DLG2: variants seen among roughly 807,000 people sequenced by gnomAD.
The protein encoded by DLG2 is discs large MAGUK scaffold protein 2.
A neutral mutation model predicts 132.5 loss-of-function variants in DLG2; 45 were observed. That is an observed-to-expected ratio of 0.34 (90% CI 0.27 to 0.44). DLG2 has a LOEUF of 0.44. Ranked by LOEUF, DLG2 falls within the 20% of genes least tolerant of loss-of-function variation. The pLI, the probability that DLG2 is intolerant of heterozygous loss-of-function variation, is 1.00. For synonymous variants in DLG2, 424 were observed against 419.6 expected (o/e 1.01, Z -0.13); for missense variants, 1,045 against 1,196.9 (o/e 0.87, Z 1.87).
intron 8 of DLG2, among the ~76,000 whole-genome samples, chr11:84,172,553 ATTTATTTG>A (rs56962051): frequency 0.58 from 86,866 of 148,588 alleles, 26,806 homozygotes; most frequent in Middle Eastern, 0.72. Flanking sequence ...TTATTTATTT[ATTTATTTG>A]AGGTGGAGTC....
At chr11:84,817,170 G>T (rs980673330) in intron 6 of DLG2, among the ~76,000 whole-genome samples, 3 of 152,032 alleles carry the variant, frequency 2.0e-5, no homozygotes, top group Non-Finnish European at 4.4e-5. Flanking sequence ...CACTCTCTCT[G>T]ATTGGTGCCT....
At chr11:84,932,052 C>T (rs1252912472) in intron 6 of DLG2, among the ~76,000 whole-genome samples, 1 of 152,100 alleles carries the variant, frequency 6.6e-6, no homozygotes, top group East Asian at 1.9e-4. Flanking sequence ...CAAAATTTTT[C>T]TCCCATTCTG....
intron 11 of DLG2, among the ~76,000 whole-genome samples, chr11:84,004,723 A>G (rs1407456535): frequency 6.6e-6 from 1 of 151,960 alleles, no homozygotes; most frequent in Non-Finnish European, 1.5e-5. Flanking sequence ...TTTAACCAAG[A>G]AAGGGAAAGA....
intron 4 of DLG2, among the ~76,000 whole-genome samples, chr11:85,164,605 T>C (rs1163464836): frequency 3.3e-5 from 5 of 152,164 alleles, no homozygotes; most frequent in Non-Finnish European, 4.4e-5. Flanking sequence ...TTTAATCTAT[T>C]TCTGACTTTC....
intron 3 of DLG2, among the ~76,000 whole-genome samples, chr11:85,366,044 T>C (rs2084527761): frequency 6.6e-6 from 1 of 152,152 alleles, no homozygotes; most frequent in Non-Finnish European, 1.5e-5. Context: ...ACCTGCATGT[T>C]CTGCACATGT....
chr11:83,598,303 A>G (rs1287801978), intron 19 of DLG2, among the ~76,000 whole-genome samples: 1 of 152,220 alleles, frequency 6.6e-6, no homozygotes, highest in Non-Finnish European at 1.5e-5. Flanking sequence ...TTCCCAGCAA[A>G]ACGTTTCAGA....
intron 16 of DLG2, among the ~76,000 whole-genome samples, chr11:83,853,746 T>C (rs560120425): frequency 6.6e-6 from 1 of 152,184 alleles, no homozygotes; most frequent in South Asian, 2.1e-4. Flanking sequence ...TTAAATAATA[T>C]CTACAAAATC....
At chr11:84,005,513 T>G (rs2094536344) in intron 11 of DLG2, among the ~76,000 whole-genome samples, 1 of 151,858 alleles carries the variant, frequency 6.6e-6, no homozygotes, top group Admixed American at 6.6e-5. Context: ...TATATTAAAC[T>G]TCTGCACAGC....
In DLG2 at chr11:84,417,614, A is replaced by C. The variant is rs546559822; in HGVS notation, c.519+116956T>G. 1.3e-5 allele frequency among the ~76,000 whole-genome samples: 2 copies of C among 152,148 alleles called. 1 individual carries two copies. Among genetic ancestry groups the C allele is most frequent in the South Asian group, 4.2e-4 (2 of 4,818 alleles). ...ATTTGCTAGGGTGCCACAAACACAT[A>C]CCCAACCCTGACCCATGCCCATCTT... On this transcript the variant is annotated intron_variant, in intron 7 of 27. Transcript: ENST00000376104.
At chr11:83,946,329 A>G (rs2083959137) in intron 14 of DLG2, among the ~76,000 whole-genome samples, 1 of 152,102 alleles carries the variant, frequency 6.6e-6, no homozygotes, top group Non-Finnish European at 1.5e-5. Flanking sequence ...AGACACAATG[A>G]ATTTAAGACA....
chr11:84,374,714 T>C (rs1412410995), intron 7 of DLG2, among the ~76,000 whole-genome samples: 1 of 152,150 alleles, frequency 6.6e-6, no homozygotes, highest in Non-Finnish European at 1.5e-5. Context: ...CTACAGTCCC[T>C]TCCCAGCTTC....
chr11:83,660,243 A>G (rs773442134), intron 18 of DLG2, among the ~76,000 whole-genome samples: 3 of 152,212 alleles, frequency 2.0e-5, no homozygotes, highest in African/African-American at 7.2e-5. Context: ...CACAGAAACA[A>G]TAACATGTAA....
chr11:84,588,231 T>C (rs1405902381), intron 6 of DLG2, among the ~76,000 whole-genome samples: 3 of 152,164 alleles, frequency 2.0e-5, no homozygotes, highest in Non-Finnish European at 4.4e-5. Flanking sequence ...GAAGATGCAG[T>C]TTGACTCCGC....
At chr11:84,405,694 T>A (rs924984422) in intron 7 of DLG2, among the ~76,000 whole-genome samples, 2 of 151,864 alleles carry the variant, frequency 1.3e-5, no homozygotes, top group African/African-American at 2.4e-5. Context: ...ATATGTGAAA[T>A]AATAGAGACT....
At chr11:84,293,932 T>C (rs780483895) in intron 7 of DLG2, among the ~76,000 whole-genome samples, 48 of 152,158 alleles carry the variant, frequency 3.2e-4, no homozygotes, top group Admixed American at 1.0e-3. Context: ...GGGGAGGACA[T>C]GAACCTCCTG....
At chr11:83,805,031 C>T (rs1334534344) in intron 17 of DLG2, among the ~76,000 whole-genome samples, 1 of 152,062 alleles carries the variant, frequency 6.6e-6, no homozygotes, top group African/African-American at 2.4e-5. Context: ...TCAGGTGAAA[C>T]ATTTTTAGCA....
rs556877536 is a variant in DLG2, at chr11:85,266,865, G to T, written c.186+18355C>A. 2.0e-5 allele frequency among the ~76,000 whole-genome samples: 3 copies of T among 152,288 alleles called. No individual in the cohort carries two copies. In the East Asian group the frequency reaches 5.8e-4, roughly 29 times the overall value. On this transcript the variant is annotated intron_variant, in intron 4 of 27. Coordinates refer to ENST00000376104, the MANE Select transcript of DLG2 (RefSeq NM_001142699.3). ...CATTTTACCACAGTCCTCAAAAAAT[G>T]TTAGAAACCAAAACTTTTTAGTGTT...
chr11:83,481,495 C>A (rs2093106666), intron 22 of DLG2, among the ~76,000 whole-genome samples: 1 of 151,998 alleles, frequency 6.6e-6, no homozygotes, highest in African/African-American at 2.4e-5. Context: ...TAAAATTATT[C>A]TCTAACAATA....
chr11:84,379,271 T>C (rs2098741081), intron 7 of DLG2, among the ~76,000 whole-genome samples: 1 of 152,036 alleles, frequency 6.6e-6, no homozygotes, highest in South Asian at 2.1e-4. Flanking sequence ...TGTTCTAATA[T>C]GTTCAAGACG....
Sources: gnomAD v4.1 joint callset for allele counts (sites outside exome capture counted in the v4.1 genomes callset) on GRCh38, gnomAD v4.1.1 for gene constraint, MANE v1.5 for transcripts, NCBI Gene and HGNC (gene_info 2026-07-23, HGNC 2026-07-21) for gene names.